CALD1: variants seen among roughly 807,000 people sequenced by gnomAD.
CALD1 encodes the protein caldesmon 1, also known as caldesmon.
Under a neutral mutation model 99.9 loss-of-function variants are expected in CALD1, and 33 were observed. The observed-to-expected ratio is 0.33, with a 90% CI of 0.25 to 0.44. The LOEUF (loss-of-function observed/expected upper bound fraction) is 0.44, where lower values mean the gene tolerates loss of function less well. Ranked by LOEUF, CALD1 falls within the 20% of genes least tolerant of loss-of-function variation. The probability of loss-of-function intolerance (pLI) is 1.00; values close to 1 mark genes in which losing one functional copy is unlikely to be tolerated. For missense variants in CALD1, 861 were observed against 962.1 expected (o/e 0.89, Z 1.39); for synonymous variants, 310 against 325.0 (o/e 0.95, Z 0.50).
intron 1 of CALD1, among the ~76,000 whole-genome samples, chr7:134,808,793 G>GTAC: frequency 6.6e-6 from 1 of 152,316 alleles, no homozygotes; most frequent in Non-Finnish European, 1.5e-5. Flanking sequence ...TCTGGAGTGT[G>GTAC]TACTCCTGAC....
chr7:134,754,722 A>G (rs1306247795), intron 1 of CALD1, among the ~76,000 whole-genome samples: 1 of 132,290 alleles, frequency 7.6e-6, no homozygotes, highest in Non-Finnish European at 1.6e-5. Flanking sequence ...ATTTCACCAC[A>G]TATAGAGTTC....
chr7:134,755,612 T>TC (rs1426907672), intron 1 of CALD1, among the ~76,000 whole-genome samples: 1 of 152,104 alleles, frequency 6.6e-6, no homozygotes, highest in African/African-American at 2.4e-5. Context: ...CTTGAATGGC[T>TC]CCCCCCGGTG....
chr7:134,901,145 G>A (rs1802964373), intron 3 of CALD1, among the ~76,000 whole-genome samples: 1 of 151,536 alleles, frequency 6.6e-6, no homozygotes, highest in Admixed American at 6.6e-5. Context: ...TCAGTGCCAA[G>A]AGGGAGGTAG....
At chr7:134,740,477 GT>G (rs1796583578), upstream of CALD1, among the ~76,000 whole-genome samples, 2 of 152,224 alleles carry the variant, frequency 1.3e-5, no homozygotes, top group Admixed American at 1.3e-4. Context: ...CTTGGCAGCA[GT>G]TGATGTGAAA....
At chr7:134,960,729 CT>C in intron 13 of CALD1, 101 bp downstream of exon 13, 1 of 686,670 alleles carries the variant, frequency 1.5e-6, no homozygotes, top group African/African-American at 1.8e-5. Flanking sequence ...GGCAGTGCCC[CT>C]GTTCTTTGCT....
upstream of CALD1, among the ~76,000 whole-genome samples, chr7:134,775,236 T>C (rs1332893585): frequency 6.6e-6 from 1 of 152,192 alleles, no homozygotes; most frequent in Non-Finnish European, 1.5e-5. Flanking sequence ...CTGGGGTCTA[T>C]TTCTAGGCTT....
intron 1 of CALD1, among the ~76,000 whole-genome samples, chr7:134,790,728 T>C (rs969876634): frequency 1.3e-5 from 2 of 152,138 alleles, no homozygotes; most frequent in Admixed American, 6.5e-5. Context: ...AGAAGTAGTT[T>C]TGTGTTTTCT....
At chr7:134,944,699 T>C (rs1806723306) in intron 7 of CALD1, 1 of 152,162 alleles carries the variant, frequency 6.6e-6, no homozygotes, top group African/African-American at 2.4e-5. Flanking sequence ...GTGTCAGGAA[T>C]AGGATATCTA....
chr7:134,871,165 A>G (rs1000523251), intron 3 of CALD1, among the ~76,000 whole-genome samples: 3 of 152,100 alleles, frequency 2.0e-5, no homozygotes, highest in African/African-American at 7.2e-5. Flanking sequence ...TTTTGGTATT[A>G]TTGATTTTTC....
chr7:134,916,765 T>G (rs1804236383), intron 3 of CALD1, among the ~76,000 whole-genome samples: 1 of 152,246 alleles, frequency 6.6e-6, no homozygotes, highest in Non-Finnish European at 1.5e-5. Context: ...ACCGATGTGA[T>G]AGTGGTACCA....
At chr7:134,967,082 G>A (rs1161430844) in intron 14 of CALD1, among the ~76,000 whole-genome samples, 5 of 152,018 alleles carry the variant, frequency 3.3e-5, no homozygotes, top group African/African-American at 4.8e-5. Context: ...CCAGTATAAC[G>A]GAGTCTCTCT....
At chr7:134,895,107 A>C (rs1802468363) in intron 3 of CALD1, among the ~76,000 whole-genome samples, 1 of 149,772 alleles carries the variant, frequency 6.7e-6, no homozygotes, top group Non-Finnish European at 1.5e-5. Context: ...ATAAATAAAT[A>C]AATAAATAAA....
At chr7:134,725,629 G>A in the CALD1 span, among the ~76,000 whole-genome samples, 1 of 152,164 alleles carries the variant, frequency 6.6e-6, no homozygotes, top group East Asian at 1.9e-4. Flanking sequence ...TATTTCCAAG[G>A]GCAATGGGCT....
chr7:134,933,336 AAAG>A lies in CALD1; in HGVS notation c.568_570del (p.Lys190del), dbSNP rs755704107. 5.7e-5 allele frequency: 92 copies of A among 1,603,222 alleles called. No homozygotes were observed. The highest frequency in any genetic ancestry group is 6.0e-6 in the Non-Finnish European group (7 of 1,174,848). Reference sequence around the variant, plus strand: ...AAGAAAACAAGAAAGAAGACAAGGAAAAGGAGGAGGAGGAAGAGGAGAAGCCAA... The same window carrying A: ...AAGAAAACAAGAAAGAAGACAAGGAAGAGGAGGAGGAAGAGGAGAAGCCAA... On this transcript the variant is annotated inframe_deletion, in exon 5 of 15. Coordinates refer to ENST00000361675, the MANE Select transcript of CALD1 (RefSeq NM_033138.4).
At chr7:134,872,420 T>A (rs561044471) in intron 3 of CALD1, among the ~76,000 whole-genome samples, 5 of 152,148 alleles carry the variant, frequency 3.3e-5, no homozygotes, top group African/African-American at 1.2e-4. Context: ...TGTGCAACTT[T>A]TATGCCATTA....
intron 1 of CALD1, among the ~76,000 whole-genome samples, chr7:134,835,770 C>A (rs10237321): frequency 0.47 from 71,613 of 151,856 alleles, 19,181 homozygotes; most frequent in African/African-American, 0.74. Flanking sequence ...AGTCTAATAG[C>A]ATTAAAGAGG....
At chr7:134,724,429 T>C in the CALD1 span, among the ~76,000 whole-genome samples, 1 of 152,144 alleles carries the variant, frequency 6.6e-6, no homozygotes, top group Non-Finnish European at 1.5e-5. Context: ...CTCAGAAAGA[T>C]ATAAGTCTGA....
intron 1 of CALD1, among the ~76,000 whole-genome samples, chr7:134,748,148 C>T (rs985716093): frequency 2.0e-5 from 3 of 152,264 alleles, no homozygotes; most frequent in African/African-American, 4.8e-5. Flanking sequence ...TTTGGACTTG[C>T]GCAGAACTTG....
At chr7:134,759,531 A>G (rs1796758740) in intron 1 of CALD1, among the ~76,000 whole-genome samples, 1 of 152,216 alleles carries the variant, frequency 6.6e-6, no homozygotes, top group Non-Finnish European at 1.5e-5. Flanking sequence ...AGGCACATTC[A>G]GGACAATGAA....
Sources: gnomAD v4.1 joint callset for allele counts (sites outside exome capture counted in the v4.1 genomes callset) on GRCh38, gnomAD v4.1.1 for gene constraint, MANE v1.5 for transcripts, NCBI Gene and HGNC (gene_info 2026-07-23, HGNC 2026-07-21) for gene names.